Variants in MYL7 observed in about 807,000 individuals in gnomAD.
The protein encoded by MYL7 is myosin regulatory light chain 2, atrial isoform.
In MYL7, 27 loss-of-function variants were observed where a neutral mutation model predicts 22.5. That is an observed-to-expected ratio of 1.20 (90% CI 0.89 to 1.66). The LOEUF (loss-of-function observed/expected upper bound fraction) is 1.66, where lower values mean the gene tolerates loss of function less well. Ranked by LOEUF, MYL7 falls within the 40% of genes most tolerant of loss-of-function variation. The pLI, the probability that MYL7 is intolerant of heterozygous loss-of-function variation, is 0.00. For synonymous variants in MYL7, 81 were observed against 84.4 expected, an observed-to-expected ratio of 0.96 and a Z score of 0.22; for missense variants, 209 against 226.8, an observed-to-expected ratio of 0.92 and a Z score of 0.50.
At chr7:44,139,110 GC>G in intron 6 of MYL7, 88 bp from the exon 7 acceptor site, 1 of 976,554 alleles carries the variant, frequency 1.0e-6, no homozygotes, top group Non-Finnish European at 1.6e-6. Context: ...CTTTCTGTCT[GC>G]CCCCTGCATC....
rs370593993 is a variant in MYL7, at chr7:44,139,573, G to T, written c.378-4C>A. On this transcript the variant is annotated splice_region_variant and splice_polypyrimidine_tract_variant and intron_variant, in intron 5 of 6. Transcript: ENST00000223364. ...GGTCAGGAGAAGCTGCTTGAACCTG[G>T]GGGGTGAGGAGGGTCTGAGCAGGAG... 7 of 1,605,672 alleles carry T rather than the reference G, an allele frequency of 4.4e-6. No homozygotes were observed. The South Asian group carries it at 4.5e-5, about 10-fold the overall frequency.
chr7:44,140,505 C>T, intron 3 of MYL7, 78 bp from the exon 4 acceptor site: 1 of 1,373,308 alleles, frequency 7.3e-7, no homozygotes. Flanking sequence ...TCCCTCCATC[C>T]TGGCCACAGG....
chr7:44,140,538 G>C (rs768349318), intron 3 of MYL7, 111 bp from the exon 4 acceptor site: 1 of 1,199,202 alleles, frequency 8.3e-7, no homozygotes, highest in South Asian at 1.4e-5. Flanking sequence ...AGAGGCAGCT[G>C]TGGGTCGGGA....
intron 5 of MYL7, 81 bp from the exon 6 acceptor site, chr7:44,139,650 G>A (rs931586387): frequency 1.1e-5 from 17 of 1,567,634 alleles, no homozygotes; most frequent in East Asian, 2.2e-5. Flanking sequence ...CTCCCATGGC[G>A]CAGGGAAGGG....
rs1314504444 is a variant in MYL7, at chr7:44,139,554, G to A, written c.393C>T (p.Leu131=). 3 of 1,609,988 alleles carry A rather than the reference G, an allele frequency of 1.9e-6. No individual in the cohort carries two copies. Among genetic ancestry groups the A allele is most frequent in the Non-Finnish European group, 2.5e-6 (3 of 1,177,918 alleles). Residue 131 remains leucine (L), a synonymous_variant, in exon 6 of 7, where the codon CTC becomes CTT. Transcript: ENST00000223364. The stretch of plus-strand genomic sequence containing the variant: ...GAGAGAACTTGTCTGCCTGGGTCAG[G>A]AGAAGCTGCTTGAACCTGGGGGGTG... The part of the protein sequence containing the change: ...VVNKDEFKQL[L]LTQADKFSPA...
chr7:44,139,232 G>A (rs1297092137), intron 6 of MYL7, among the ~76,000 whole-genome samples: 1 of 152,200 alleles, frequency 6.6e-6, no homozygotes. Flanking sequence ...GGGCCAAGAG[G>A]CAAAGGACGC....
chr7:44,140,653 C>G, intron 3 of MYL7, 59 bp downstream of exon 3: 2 of 1,517,874 alleles, frequency 1.3e-6, no homozygotes, highest in Admixed American at 4.2e-5. Context: ...CCACTCCCAC[C>G]CGCCCAGCAG....
chr7:44,139,222 G>C (rs1175029593), intron 6 of MYL7, among the ~76,000 whole-genome samples, 200 bp from the exon 7 acceptor site: 2 of 152,220 alleles, frequency 1.3e-5, no homozygotes, highest in African/African-American at 4.8e-5. Flanking sequence ...GTGCAAATGT[G>C]GGCCAAGAGG....
Position 44,139,969 on chromosome 7 carries a change from G to A in MYL7, c.299-109C>T, listed in dbSNP as rs1480630144. ...CCTCCCACATCCCAGAAGAGGTGGGGGTATTCCCTAACATAAAATGTTTCT... is the reference window on the plus strand; with the variant it reads ...CCTCCCACATCCCAGAAGAGGTGGGAGTATTCCCTAACATAAAATGTTTCT... On this transcript the variant is annotated intron_variant, in intron 4 of 6. Coordinates refer to ENST00000223364, the MANE Select transcript of MYL7 (RefSeq NM_021223.3). 20 of 941,144 alleles carry A rather than the reference G, an allele frequency of 2.1e-5. 1 individual carries two copies. The Admixed American group carries it at 5.0e-4, about 23-fold the overall frequency. 58.3% of individuals were successfully genotyped at this position (941,144 alleles called of 1,614,324 possible).
chr7:44,139,889 T>C, intron 4 of MYL7, 29 bp from the exon 5 acceptor site: 2 of 1,579,116 alleles, frequency 1.3e-6, no homozygotes, highest in Non-Finnish European at 1.7e-6. Context: ...CAGGTGAGCA[T>C]CCATGTCTCC....
Position 44,138,879 on chromosome 7 carries a change from A to G in MYL7, c.*42T>C. ...ACCACAGCAATTCCAATTTTGCAAC[A>G]GAGTTTATTGAGGTGCCCCCCCGTG... On this transcript the variant is annotated 3_prime_UTR_variant, in exon 7 of 7. Coordinates refer to ENST00000223364, the MANE Select transcript of MYL7 (RefSeq NM_021223.3). 6.5e-7 allele frequency: 1 copy of G among 1,545,448 alleles called. No homozygotes were observed. The highest frequency in any genetic ancestry group is 8.9e-7 in the Non-Finnish European group (1 of 1,117,922).
At chr7:44,139,358 C>T in intron 6 of MYL7, 163 bp downstream of exon 6, 1 of 852,048 alleles carries the variant, frequency 1.2e-6, no homozygotes, top group Non-Finnish European at 2.0e-6. Flanking sequence ...TTTTCTGACT[C>T]CACATCTTTA....
In MYL7 at chr7:44,138,953, T is replaced by C; in HGVS notation, c.496A>G (p.Ile166Val). The C allele has an allele frequency of 6.2e-7, 1 of 1,614,156 alleles. No homozygotes were observed. Among genetic ancestry groups the C allele is most frequent in the South Asian group, 1.1e-5 (1 of 91,086 alleles). ...GNIDYKSLCYIITHGDEKEE is the reference protein window; with the variant it reads ...GNIDYKSLCYVITHGDEKEE ...TCTTTCTCGTCTCCATGGGTGATGA[T>C]GTAGCACAGTGACTTGTAGTCGATG... The change falls in exon 7 of 7, where the codon ATC (isoleucine) becomes GTC (valine). Residue 166 changes from isoleucine (I) to valine (V), a missense_variant. Transcript: ENST00000223364.
Position 44,140,310 on chromosome 7 carries a change from G to A in MYL7, c.298+13C>T. On this transcript the variant is annotated intron_variant, in intron 4 of 6. Transcript: ENST00000223364. Reference sequence around the variant, plus strand: ...TGCCTGGCCAAGGGTGCCCAGCTCTGTCCCAGGCTCACCATTGAGCTTCTC... The same window carrying A: ...TGCCTGGCCAAGGGTGCCCAGCTCTATCCCAGGCTCACCATTGAGCTTCTC... The A allele has an allele frequency of 6.2e-7, 1 of 1,611,304 alleles. No individual in the cohort carries two copies. The highest frequency in any genetic ancestry group is 8.5e-7 in the Non-Finnish European group (1 of 1,177,708).
chr7:44,140,256 G>T (rs546109215), intron 4 of MYL7, 67 bp downstream of exon 4: 26 of 1,359,934 alleles, frequency 1.9e-5, no homozygotes, highest in Non-Finnish European at 2.7e-5. Flanking sequence ...GCAGGGTTCA[G>T]GTGGGGTTCA....
chr7:44,139,615 T>G (rs1312888780), intron 5 of MYL7, 46 bp from the exon 6 acceptor site: 1 of 1,584,546 alleles, frequency 6.3e-7, no homozygotes, highest in Non-Finnish European at 8.6e-7. Flanking sequence ...GGGGAGTGAC[T>G]GCACAGGGAA....
chr7:44,139,094 T>C, intron 6 of MYL7, 72 bp from the exon 7 acceptor site: 1 of 1,213,110 alleles, frequency 8.2e-7, no homozygotes, highest in Non-Finnish European at 1.2e-6. Context: ...ACCTGAGTCC[T>C]GTGGCCTTTC....
In MYL7 at chr7:44,139,808, G is replaced by C. The variant is rs144625240; in HGVS notation, c.351C>G (p.Ser117Arg). Residue 117 changes from serine (S) to arginine (R), a missense_variant, in exon 5 of 7, where the codon AGC becomes AGG. By Grantham distance (110) the Ser-to-Arg change is moderately radical. Transcript: ENST00000223364. The part of the protein sequence containing the change: ...ILSAFRMFDP[S>R]GKGVVNKDEF... ...CATCCTTGTTCACCACCCCTTTGCC[G>C]CTGGGGTCAAACATGCGGAAGGCAC... is the stretch of plus-strand genomic sequence containing the variant. 21 of 1,612,168 alleles carry C rather than the reference G, an allele frequency of 1.3e-5. No individual in the cohort carries two copies. The African/African-American group carries it at 2.0e-4, about 15-fold the overall frequency.
intron 2 of MYL7, 59 bp from the exon 3 acceptor site, chr7:44,140,846 G>T (rs929915031): frequency 2.5e-6 from 4 of 1,603,888 alleles, no homozygotes; most frequent in Admixed American, 3.4e-5. Flanking sequence ...GGTGGGAGGT[G>T]GGGGAGAGAC....
Sources: allele counts gnomAD v4.1 joint callset (sites outside exome capture counted in the v4.1 genomes callset), GRCh38; gene constraint gnomAD v4.1.1; transcripts MANE v1.5; gene names NCBI Gene and HGNC (gene_info 2026-07-23, HGNC 2026-07-21).